Variants in SLC44A3 observed in about 807,000 individuals in gnomAD.
SLC44A3 encodes the protein choline transporter-like protein 3.
In SLC44A3, 74 loss-of-function variants were observed where a neutral mutation model predicts 75.4. The observed-to-expected ratio is 0.98, with a 90% confidence interval of 0.81 to 1.19. SLC44A3 has a LOEUF of 1.19. SLC44A3 is among the 50% of genes most tolerant of loss of function. The pLI, the probability that SLC44A3 is intolerant of heterozygous loss-of-function variation, is 0.00. For synonymous variants in SLC44A3, 310 were observed against 296.9 expected, an observed-to-expected ratio of 1.04 and a Z score of -0.45; for missense variants, 700 against 778.6, an observed-to-expected ratio of 0.90 and a Z score of 1.20.
intron 9 of SLC44A3, 94 bp from the exon 10 acceptor site, chr1:94,857,241 C>T (rs1665984266): frequency 7.6e-7 from 1 of 1,319,458 alleles, no homozygotes; most frequent in Non-Finnish European, 1.0e-6. Context: ...TTATGTAATG[C>T]CAAAGGCCAA....
At chr1:94,893,772 C>T (rs963587803) in intron 14 of SLC44A3, among the ~76,000 whole-genome samples, 2 of 152,160 alleles carry the variant, frequency 1.3e-5, no homozygotes, top group African/African-American at 4.8e-5. Context: ...GCCAGGTCTC[C>T]ATCCCCTGAT....
At position 94,845,266 on chromosome 1, in the gene SLC44A3, C is replaced by T. The variant is rs781130648; in HGVS notation, c.886-12C>T. The T allele has an allele frequency of 1.3e-6, 2 of 1,584,624 alleles. No homozygotes were observed. Among genetic ancestry groups the T allele is most frequent in the East Asian group, 4.5e-5 (2 of 44,488 alleles). ...ATTTGGAAGTAATTTACTCAAATCC[C>T]TTTCTCACCAGGCAGTGCTGCTCGT... On this transcript the variant is annotated splice_polypyrimidine_tract_variant and intron_variant, in intron 8 of 14. Coordinates refer to ENST00000271227, the MANE Select transcript of SLC44A3 (RefSeq NM_001114106.3).
intron 12 of SLC44A3, among the ~76,000 whole-genome samples, chr1:94,885,891 G>C (rs1669533869): frequency 6.6e-6 from 1 of 152,190 alleles, no homozygotes; most frequent in African/African-American, 2.4e-5. Context: ...CCTGCCTACT[G>C]ACTGGAAAAG....
intron 5 of SLC44A3, among the ~76,000 whole-genome samples, chr1:94,831,139 T>C (rs1662072910): frequency 6.6e-6 from 1 of 152,180 alleles, no homozygotes; most frequent in Non-Finnish European, 1.5e-5. Flanking sequence ...CCGTATCCTG[T>C]GTCATAATAG....
At chr1:94,848,068 A>G (rs1390761746) in intron 9 of SLC44A3, among the ~76,000 whole-genome samples, 1 of 152,150 alleles carries the variant, frequency 6.6e-6, no homozygotes, top group African/African-American at 2.4e-5. Context: ...CTCTACTAAA[A>G]ATACAGAAAA....
At chr1:94,893,033 C>T (rs1670394194) in intron 14 of SLC44A3, among the ~76,000 whole-genome samples, 1 of 152,216 alleles carries the variant, frequency 6.6e-6, no homozygotes, top group African/African-American at 2.4e-5. Flanking sequence ...GTGAGAAAAG[C>T]CACACCCTCA....
intron 9 of SLC44A3, among the ~76,000 whole-genome samples, chr1:94,850,868 CT>C (rs556780367): frequency 6.6e-6 from 1 of 151,920 alleles, no homozygotes; most frequent in African/African-American, 2.4e-5. Flanking sequence ...AGAAAATTGT[CT>C]TTTTTTTAAG....
Position 94,824,594 on chromosome 1 carries a change from G to A in SLC44A3, c.237G>A (p.Val79=), listed in dbSNP as rs770325936. Residue 79 remains valine (V), a synonymous_variant, in exon 3 of 15, where the codon GTG becomes GTA. Transcript: ENST00000271227. ...TGTGTGGCAAGAAGAACTCCCCCGT[G>A]GAAGGGGCCCCTCTTTCAGGGCAGG... is the stretch of plus-strand genomic sequence containing the variant. ...GNMCGKKNSP[V]EGAPLSGQDM... The A allele has an allele frequency of 6.2e-7, 1 of 1,609,358 alleles. No individual in the cohort carries two copies. The highest frequency in any genetic ancestry group is 2.2e-5 in the East Asian group (1 of 44,552).
intron 8 of SLC44A3, among the ~76,000 whole-genome samples, chr1:94,842,875 T>C (rs1663851022): frequency 6.6e-6 from 1 of 152,236 alleles, no homozygotes; most frequent in Non-Finnish European, 1.5e-5. Context: ...AATTCTCTCA[T>C]AGGAAATCCT....
At chr1:94,853,832 G>C (rs539473427) in intron 9 of SLC44A3, among the ~76,000 whole-genome samples, 1 of 150,858 alleles carries the variant, frequency 6.6e-6, no homozygotes, top group Non-Finnish European at 1.5e-5. Context: ...GTAAGTTTCT[G>C]ATAGTAACTC....
intron 12 of SLC44A3, among the ~76,000 whole-genome samples, chr1:94,875,975 G>A (rs1168867331): frequency 6.6e-6 from 1 of 152,226 alleles, no homozygotes; most frequent in Non-Finnish European, 1.5e-5. Context: ...CATAAAGAAG[G>A]AAGCAGGTGA....
At chr1:94,826,005 T>A (rs146331142) in intron 3 of SLC44A3, 381 of 446,466 alleles carry the variant, frequency 8.5e-4, no homozygotes, top group African/African-American at 7.1e-3. Flanking sequence ...TGTCCATCAA[T>A]GGTTGAATGG....
In SLC44A3 at chr1:94,881,427, A is replaced by G. The variant is rs573253097; in HGVS notation, c.1483-9703A>G. Among the ~76,000 whole-genome samples the G allele has an allele frequency of 8.5e-5, 13 of 152,342 alleles. No homozygotes were observed. The South Asian group carries it at 1.0e-3, about 12-fold the overall frequency. On this transcript the variant is annotated intron_variant, in intron 12 of 14. Transcript: ENST00000271227. ...ACATTCTCTTAAGAACCAATCGGCC[A>G]GGCGCGGTGGCTGATGCCTGTAATC...
chr1:94,827,449 A>G lies in SLC44A3; in HGVS notation c.279-58A>G, dbSNP rs17407097. The G allele has an allele frequency of 0.14, 226,964 of 1,604,618 alleles. 17,388 individuals carry two copies. The highest frequency in any genetic ancestry group is 0.19 in the South Asian group (17,231 of 90,698). ...ATGTGGATATTTTTTAAGGCCCACAATTAAGACCAGTGAGAAGCAATGCTC... is the reference window on the plus strand; with the variant it reads ...ATGTGGATATTTTTTAAGGCCCACAGTTAAGACCAGTGAGAAGCAATGCTC... On this transcript the variant is annotated intron_variant, in intron 3 of 14. Coordinates refer to ENST00000271227, the MANE Select transcript of SLC44A3 (RefSeq NM_001114106.3).
At chr1:94,886,122 A>G (rs1464219840) in intron 12 of SLC44A3, among the ~76,000 whole-genome samples, 2 of 152,178 alleles carry the variant, frequency 1.3e-5, no homozygotes, top group Non-Finnish European at 1.5e-5. Context: ...GGTGTGCTCA[A>G]TGGCTGCATG....
chr1:94,835,762 C>T (rs35133761), intron 5 of SLC44A3, among the ~76,000 whole-genome samples: 5,452 of 152,222 alleles, frequency 0.036, 141 homozygotes, highest in Non-Finnish European at 0.051. Context: ...TCCATTTAAA[C>T]TTCCTATGAT....
intron 11 of SLC44A3, 59 bp downstream of exon 11, chr1:94,864,958 A>G: frequency 6.4e-7 from 1 of 1,567,382 alleles, no homozygotes; most frequent in Non-Finnish European, 8.7e-7. Context: ...AAACTTAATT[A>G]CTGGAAAACT....
chr1:94,857,615 C>A, intron 10 of SLC44A3, 115 bp downstream of exon 10: 1 of 1,142,544 alleles, frequency 8.8e-7, no homozygotes, highest in South Asian at 2.1e-5. Context: ...AAGAAGTTGG[C>A]AAGAATAAAA....
At chr1:94,888,070 C>T (rs1425004857) in intron 12 of SLC44A3, among the ~76,000 whole-genome samples, 6 of 152,172 alleles carry the variant, frequency 3.9e-5, no homozygotes, top group African/African-American at 7.2e-5. Flanking sequence ...CATCCCTTTG[C>T]GGTAGGTGCT....
Sources: allele counts gnomAD v4.1 joint callset (sites outside exome capture counted in the v4.1 genomes callset), GRCh38; gene constraint gnomAD v4.1.1; transcripts MANE v1.5; gene names NCBI Gene and HGNC (gene_info 2026-07-23, HGNC 2026-07-21).